Variants in HNRNPK observed in about 807,000 individuals in gnomAD.
The protein encoded by HNRNPK is dC-stretch binding protein.
Under a neutral mutation model 67.0 loss-of-function variants are expected in HNRNPK, and 7 were observed. The ratio of observed to expected loss-of-function variants is 0.10; its 90% CI spans 0.06 to 0.20. The LOEUF (loss-of-function observed/expected upper bound fraction) is 0.20, where lower values mean the gene tolerates loss of function less well. Among genes scored for constraint, HNRNPK ranks in the 10% least tolerant of loss-of-function variants. HNRNPK has a pLI of 1.00. For synonymous variants in HNRNPK, 213 were observed against 193.7 expected (o/e 1.10, Z -0.83); for missense variants, 264 against 606.5 (o/e 0.44, Z 5.93).
chr9:83,968,635 G>A lies in HNRNPK; in HGVS notation c.*772C>T, dbSNP rs1284531734. On this transcript the variant is annotated 3_prime_UTR_variant, in exon 17 of 17. Coordinates refer to ENST00000376263, the MANE Select transcript of HNRNPK (RefSeq NM_031263.4). Reference sequence around the variant, plus strand: ...ACATAGAAAATTGTTGAAAAGTAGGGGCAAGCATTTGCAAAAACAAACAAA... The same window carrying A: ...ACATAGAAAATTGTTGAAAAGTAGGAGCAAGCATTTGCAAAAACAAACAAA... 1 of 152,364 alleles carries A rather than the reference G, an allele frequency of 6.6e-6. No individual in the cohort carries two copies. Among genetic ancestry groups the A allele is most frequent in the East Asian group, 1.9e-4 (1 of 5,184 alleles). 9.4% of individuals were successfully genotyped at this position (152,364 alleles called of 1,614,324 possible). A position where few individuals can be genotyped will look rare whatever the true frequency, so the allele number is the denominator to read the frequency against.
Position 83,980,210 on chromosome 9 carries a change from G to C in HNRNPK, c.-165C>G, listed in dbSNP as rs747631266. The C allele has an allele frequency of 6.6e-6, 1 of 152,364 alleles. No individual in the cohort carries two copies. The highest frequency in any genetic ancestry group is 1.5e-5 in the Non-Finnish European group (1 of 68,188). 9.4% of individuals were successfully genotyped at this position (152,364 alleles called of 1,614,324 possible). On this transcript the variant is annotated 5_prime_UTR_variant, in exon 1 of 17. Transcript: ENST00000376263. The stretch of plus-strand genomic sequence containing the variant: ...CGCCTCAGCCGGTCGGAGCTAGACA[G>C]AAAACGAGCGCAGGCTCCCCTCCCC...
chr9:83,974,546 G>T lies in HNRNPK; in HGVS notation c.301C>A (p.Leu101Met). 6.3e-7 allele frequency: 1 copy of T among 1,596,986 alleles called. No individual in the cohort carries two copies. Among genetic ancestry groups the T allele is most frequent in the Non-Finnish European group, 8.6e-7 (1 of 1,168,778 alleles). Residue 101 changes from leucine (L) to methionine (M), a missense_variant, in exon 7 of 17, where the codon CTG becomes ATG. Around this residue, in one of 6 missense-constraint regions of HNRNPK, gnomAD observed 39 missense variants for 54.4 expected, o/e 0.72. Coordinates refer to ENST00000376263, the MANE Select transcript of HNRNPK (RefSeq NM_031263.4). ...SADIETIGEILKKIIPTLEEG... is the reference protein window; with the variant it reads ...SADIETIGEIMKKIIPTLEEG... ...TCCAAGGTAGGGATGATTTTCTTCA[G>T]AATTTCTCCAATTGTTTCAATATCA...
chr9:83,979,465 T>TCAA (rs1298615919), intron 1 of HNRNPK, among the ~76,000 whole-genome samples: 1 of 152,004 alleles, frequency 6.6e-6, no homozygotes, highest in Non-Finnish European at 1.5e-5. Flanking sequence ...TCCCCAGGCC[T>TCAA]CAAAAATCCG....
At chr9:83,976,302 A>G (rs1957061365) in intron 5 of HNRNPK, among the ~76,000 whole-genome samples, 1 of 152,198 alleles carries the variant, frequency 6.6e-6, no homozygotes, top group Admixed American at 6.5e-5. Flanking sequence ...AGCAAGAAAA[A>G]CATTAAGAAA....
intron 8 of HNRNPK, among the ~76,000 whole-genome samples, 190 bp downstream of exon 8, chr9:83,973,712 C>A (rs1241841247): frequency 2.6e-5 from 4 of 152,210 alleles, no homozygotes; most frequent in African/African-American, 9.7e-5. Flanking sequence ...GACTGCAAAG[C>A]ACTTTGCAAA....
intron 3 of HNRNPK, 32 bp downstream of exon 3, chr9:83,978,163 A>G (rs1440298944): frequency 2.8e-6 from 4 of 1,419,224 alleles, no homozygotes; most frequent in East Asian, 4.5e-5. Context: ...ACAGGATAAA[A>G]AAATACTGTT....
intron 13 of HNRNPK, 22 bp from the exon 14 acceptor site, chr9:83,970,934 T>C (rs373830271): frequency 2.9e-5 from 46 of 1,610,006 alleles, no homozygotes; most frequent in Admixed American, 5.0e-5. Context: ...AAGAAAAAAA[T>C]AGAAAATTAC....
chr9:83,974,937 T>C (rs2133047847), intron 6 of HNRNPK, among the ~76,000 whole-genome samples: 1 of 152,350 alleles, frequency 6.6e-6, no homozygotes, highest in East Asian at 1.9e-4. Flanking sequence ...TTGGTAAAAC[T>C]GGCACACCTT....
chr9:83,969,867 T>C (rs1956746470), intron 16 of HNRNPK: 1 of 608,776 alleles, frequency 1.6e-6, no homozygotes, highest in Non-Finnish European at 3.2e-6. Context: ...ATGAATCTTC[T>C]ATATTTTCTA....
intron 5 of HNRNPK, 99 bp downstream of exon 5, chr9:83,976,896 G>A: frequency 1.5e-6 from 1 of 668,652 alleles, no homozygotes; most frequent in Non-Finnish European, 2.6e-6. Flanking sequence ...TGTCTTTGTA[G>A]CTAAACTATG....
chr9:83,971,773 A>T, intron 11 of HNRNPK, 47 bp from the exon 12 acceptor site: 2 of 1,599,290 alleles, frequency 1.3e-6, no homozygotes, highest in Non-Finnish European at 1.7e-6. Context: ...TACATGCCAC[A>T]CATATCAAAT....
chr9:83,972,332 C>T (rs978894965), intron 10 of HNRNPK, 143 bp from the exon 11 acceptor site: 7 of 633,312 alleles, frequency 1.1e-5, no homozygotes, highest in East Asian at 9.1e-5. Flanking sequence ...ATTATGTCAA[C>T]GCTAAAAGTA....
intron 15 of HNRNPK, 57 bp from the exon 16 acceptor site, chr9:83,970,388 G>A: frequency 7.7e-7 from 1 of 1,300,404 alleles, no homozygotes. Context: ...TTTACTACCT[G>A]TATTTTCAAG....
In HNRNPK at chr9:83,971,886, C is replaced by A; in HGVS notation, c.949G>T (p.Gly317Trp). The stretch of plus-strand genomic sequence containing the variant: ...ACAACAAAAAAAACAACTTACCCCC[C>A]TCTAGGTGGTGGTGGTGGAGGAAGA... ...LPLPPPPPPR[G>W]GDLMAYDRRG... Residue 317 changes from glycine to tryptophan, a missense_variant, in exon 11 of 17, where the codon GGG becomes TGG. Around this residue, in one of 6 missense-constraint regions of HNRNPK, gnomAD observed 142 missense variants for 256.5 expected, o/e 0.55. Transcript: ENST00000376263. 6.4e-7 allele frequency: 1 copy of A among 1,557,828 alleles called. No homozygotes were observed.
At chr9:83,971,484 C>A (rs531690949) in intron 12 of HNRNPK, 128 bp from the exon 13 acceptor site, 1 of 804,448 alleles carries the variant, frequency 1.2e-6, no homozygotes, top group South Asian at 1.6e-5. Context: ...ATTTTGTAAT[C>A]GAGGGGAACA....
chr9:83,974,514 T>C lies in HNRNPK; in HGVS notation c.330+3A>G. On this transcript the variant is annotated splice_donor_region_variant and intron_variant, in intron 7 of 16. Transcript: ENST00000376263. ...AAATACATTTAAAAAAAAATGAGCCTACCTCTTCCAAGGTAGGGATGATTT... is the reference window on the plus strand; with the variant it reads ...AAATACATTTAAAAAAAAATGAGCCCACCTCTTCCAAGGTAGGGATGATTT... The C allele has an allele frequency of 6.7e-7, 1 of 1,497,070 alleles. No homozygotes were observed. Among genetic ancestry groups the C allele is most frequent in the African/African-American group, 1.4e-5 (1 of 72,634 alleles). The allele number at this position is 1,497,070 out of a possible 1,614,324, so 92.7% of individuals were successfully genotyped here. A position where few individuals can be genotyped will look rare whatever the true frequency, so the allele number is the denominator to read the frequency against.
At chr9:83,970,040 G>A in intron 16 of HNRNPK, 122 bp downstream of exon 16, 1 of 748,268 alleles carries the variant, frequency 1.3e-6, no homozygotes, top group South Asian at 1.7e-5. Flanking sequence ...AGAATGTTTA[G>A]AAGTTAGGTC....
chr9:83,970,517 G>T, intron 15 of HNRNPK, 186 bp from the exon 16 acceptor site: 1 of 644,264 alleles, frequency 1.6e-6, no homozygotes, highest in South Asian at 2.1e-5. Flanking sequence ...GTTTCCCTTA[G>T]TTAGTTAAGG....
chr9:83,973,826 C>A, intron 8 of HNRNPK, 76 bp downstream of exon 8: 1 of 1,097,886 alleles, frequency 9.1e-7, no homozygotes, highest in Admixed American at 1.9e-5. Context: ...GGGAAAAGCA[C>A]ACTATGTTAA....
Sources: gnomAD v4.1 joint callset for allele counts (sites outside exome capture counted in the v4.1 genomes callset) on GRCh38, gnomAD v4.1.1 for gene constraint, gnomAD v4.1.1 regional missense constraint, MANE v1.5 for transcripts, NCBI Gene and HGNC (gene_info 2026-07-23, HGNC 2026-07-21) for gene names.